FAM221A: variants seen among roughly 807,000 people sequenced by gnomAD.
The protein encoded by FAM221A is protein FAM221A.
In FAM221A, 43 loss-of-function variants were observed where a neutral mutation model predicts 37.6. The observed-to-expected ratio is 1.15, with a 90% CI of 0.90 to 1.48. The LOEUF (loss-of-function observed/expected upper bound fraction) is 1.48, where lower values mean the gene tolerates loss of function less well. Among genes scored for constraint, FAM221A ranks in the 40% most tolerant of loss-of-function variants. The pLI, the probability that FAM221A is intolerant of heterozygous loss-of-function variation, is 0.00. For synonymous variants in FAM221A, 135 were observed against 132.9 expected (o/e 1.02, Z -0.11); for missense variants, 361 against 361.5 (o/e 1.00, Z 0.01).
At chr7:23,685,123 C>T (rs1472866146) in intron 2 of FAM221A, among the ~76,000 whole-genome samples, 1 of 152,080 alleles carries the variant, frequency 6.6e-6, no homozygotes, top group Non-Finnish European at 1.5e-5. Context: ...GTGGCACACG[C>T]CTGTAATCCT....
In FAM221A at chr7:23,691,387, C is replaced by G; in HGVS notation, c.431-3C>G. ...ATTTAACTCCCTTTACATCTTGATT[C>G]AGGTTCCAAGTGTTCAGGATTCCAT... is the stretch of plus-strand genomic sequence containing the variant. On this transcript the variant is annotated splice_polypyrimidine_tract_variant and splice_region_variant and intron_variant, in intron 3 of 6. Transcript: ENST00000344962. 1 of 1,613,884 alleles carries G rather than the reference C, an allele frequency of 6.2e-7. No homozygotes were observed. The highest frequency in any genetic ancestry group is 1.3e-5 in the African/African-American group (1 of 75,032).
chr7:23,684,713 T>G (rs772627182), intron 2 of FAM221A, 41 bp downstream of exon 2: 1 of 1,528,486 alleles, frequency 6.5e-7, no homozygotes, highest in Non-Finnish European at 8.9e-7. Flanking sequence ...AATTAGAAAA[T>G]AAAAAGCTAA....
chr7:23,692,750 T>C, intron 4 of FAM221A: 1 of 980,594 alleles, frequency 1.0e-6, no homozygotes, highest in Non-Finnish European at 1.2e-6. Flanking sequence ...GTCTAATTCT[T>C]TCCCCGAGGG....
rs776937493 is a variant in FAM221A, at chr7:23,691,575, C to T, written c.616C>T (p.Arg206Trp). The T allele has an allele frequency of 2.7e-5, 43 of 1,613,814 alleles. No homozygotes were observed. In the East Asian group the frequency reaches 6.5e-4, roughly 24 times the overall value. The change falls in exon 4 of 7, where the codon CGG becomes TGG. Residue 206 changes from arginine (R) to tryptophan (W), a missense_variant. Physicochemically the swap from Arg to Trp is moderately radical, Grantham distance 101. Transcript: ENST00000344962. ...CAGCTCGCTGGCGGAAGGCTACATGCGGTTAGATGACAGTGGGATTGGTAA... is the reference window on the plus strand; with the variant it reads ...CAGCTCGCTGGCGGAAGGCTACATGTGGTTAGATGACAGTGGGATTGGTAA... ...GFSSLAEGYM[R>W]LDDSGIGVPS...
At chr7:23,681,758 G>A (rs1238937661) in intron 1 of FAM221A, among the ~76,000 whole-genome samples, 1 of 152,184 alleles carries the variant, frequency 6.6e-6, no homozygotes, top group Non-Finnish European at 1.5e-5. Flanking sequence ...CCCTCTGAAA[G>A]AGATTATCAG....
intron 1 of FAM221A, 109 bp downstream of exon 1, chr7:23,680,392 C>T: frequency 1.2e-6 from 1 of 819,082 alleles, no homozygotes; most frequent in East Asian, 2.7e-5. Context: ...TTCCCGGAAT[C>T]TGTGCCTGGG....
chr7:23,697,970 G>C (rs1562528476), intron 4 of FAM221A, among the ~76,000 whole-genome samples: 1 of 151,662 alleles, frequency 6.6e-6, no homozygotes, highest in Admixed American at 6.6e-5. Flanking sequence ...ATGTTACCAA[G>C]ACTGGTCTTG....
In FAM221A at chr7:23,684,509, G is replaced by A. The variant is rs774884342; in HGVS notation, c.76G>A (p.Glu26Lys). The change falls in exon 2 of 7, where the codon GAG becomes AAG. Residue 26 changes from glutamate to lysine, a missense_variant. By Grantham distance (56) the Glu-to-Lys change is moderately conservative. Transcript: ENST00000344962. ...EYLEYRRIVG[E>K]DDGGKLFTPE... ...ATATTTTTGTTGTAGAATTGTTGGT[G>A]AGGATGATGGAGGGAAACTTTTTAC... 1 of 1,601,282 alleles carries A rather than the reference G, an allele frequency of 6.2e-7. No homozygotes were observed. Among genetic ancestry groups the A allele is most frequent in the Non-Finnish European group, 8.5e-7 (1 of 1,174,566 alleles).
At chr7:23,682,319 G>A (rs993159929) in intron 1 of FAM221A, among the ~76,000 whole-genome samples, 5 of 151,000 alleles carry the variant, frequency 3.3e-5, no homozygotes, top group African/African-American at 1.2e-4. Context: ...TCCCACCTCA[G>A]CCTCCCAAAG....
chr7:23,683,081 C>T (rs1340403920), intron 1 of FAM221A, among the ~76,000 whole-genome samples: 1 of 152,076 alleles, frequency 6.6e-6, no homozygotes, highest in Non-Finnish European at 1.5e-5. Flanking sequence ...CAGCTAAAGG[C>T]TTCAAAGTAT....
At chr7:23,698,642 C>T (rs1785211234) in intron 5 of FAM221A, among the ~76,000 whole-genome samples, 1 of 152,104 alleles carries the variant, frequency 6.6e-6, no homozygotes, top group African/African-American at 2.4e-5. Flanking sequence ...AGGCGTAATC[C>T]AGTGATAACC....
At chr7:23,697,471 T>G (rs527521468) in intron 4 of FAM221A, among the ~76,000 whole-genome samples, 1 of 152,366 alleles carries the variant, frequency 6.6e-6, no homozygotes, top group South Asian at 2.1e-4. Context: ...GGATGTTTCC[T>G]CATTTCATTG....
chr7:23,680,738 G>T (rs1029173084), intron 1 of FAM221A: 1 of 155,490 alleles, frequency 6.4e-6, no homozygotes, highest in African/African-American at 2.4e-5. Context: ...GTATTCTGGA[G>T]AAACCCCTTC....
intron 1 of FAM221A, among the ~76,000 whole-genome samples, chr7:23,681,705 G>C (rs1242082129): frequency 6.6e-6 from 1 of 152,236 alleles, no homozygotes; most frequent in Non-Finnish European, 1.5e-5. Flanking sequence ...ACCGCGCCCG[G>C]CTGGGAAATT....
At chr7:23,692,958 A>G in intron 4 of FAM221A, 1 of 157,464 alleles carries the variant, frequency 6.4e-6, no homozygotes, top group Non-Finnish European at 1.4e-5. Flanking sequence ...ATGCATCACC[A>G]TACCTGGCTT....
At chr7:23,700,902 A>C in intron 6 of FAM221A, 34 bp downstream of exon 6, 1 of 1,324,076 alleles carries the variant, frequency 7.6e-7, no homozygotes, top group Non-Finnish European at 1.1e-6. Flanking sequence ...TGCACTAAGC[A>C]TTTACTTGTA....
chr7:23,697,707 G>A (rs758175459), intron 4 of FAM221A, among the ~76,000 whole-genome samples: 4 of 152,098 alleles, frequency 2.6e-5, no homozygotes, highest in Admixed American at 2.0e-4. Context: ...TCTCAGAAAT[G>A]TGCAGAAGAA....
At chr7:23,680,499 C>T (rs1783965219) in intron 1 of FAM221A, among the ~76,000 whole-genome samples, 1 of 152,184 alleles carries the variant, frequency 6.6e-6, no homozygotes, top group Non-Finnish European at 1.5e-5. Context: ...CTTCCAATAA[C>T]ATTTAAGAGG....
chr7:23,680,377 G>A (rs1318494559), intron 1 of FAM221A, 94 bp downstream of exon 1: 1 of 949,148 alleles, frequency 1.1e-6, no homozygotes, highest in South Asian at 1.7e-5. Flanking sequence ...GGGCGTCCGC[G>A]GGGGTTCCCG....
Sources: allele counts gnomAD v4.1 joint callset (sites outside exome capture counted in the v4.1 genomes callset), GRCh38; gene constraint gnomAD v4.1.1; transcripts MANE v1.5; gene names NCBI Gene and HGNC (gene_info 2026-07-23, HGNC 2026-07-21).